MSTO1: variants seen among roughly 807,000 people sequenced by gnomAD.
The protein encoded by MSTO1 is misato mitochondrial distribution and morphology regulator 1.
Under a neutral mutation model 55.7 loss-of-function variants are expected in MSTO1, and 24 were observed. The observed-to-expected ratio is 0.43, with a 90% CI of 0.31 to 0.61. The LOEUF is 0.61. Ranked by LOEUF, MSTO1 falls within the 20% of genes least tolerant of loss-of-function variation. MSTO1 has a pLI of 0.09. For synonymous variants in MSTO1, 162 were observed against 252.8 expected (o/e 0.64, Z 3.41); for missense variants, 363 against 625.7 (o/e 0.58, Z 4.48).
At chr1:155,566,816 T>A in the MSTO1 span, among the ~76,000 whole-genome samples, 1 of 151,794 alleles carries the variant, frequency 6.6e-6, no homozygotes, top group Admixed American at 6.6e-5. Context: ...GGTTTCTCCA[T>A]GTTTGTCAGG....
At chr1:155,575,485 C>A in the MSTO1 span, among the ~76,000 whole-genome samples, 3 of 152,006 alleles carry the variant, frequency 2.0e-5, no homozygotes, top group Non-Finnish European at 2.9e-5. Context: ...TCTGTTGCCC[C>A]CGGCTGGAGT....
chr1:155,575,534 C>G, the MSTO1 span, among the ~76,000 whole-genome samples: 3 of 151,974 alleles, frequency 2.0e-5, no homozygotes, highest in South Asian at 6.2e-4. Context: ...CCTCAGCCTC[C>G]CAGACCCAGG....
At chr1:155,567,666 C>T in the MSTO1 span, among the ~76,000 whole-genome samples, 1 of 151,592 alleles carries the variant, frequency 6.6e-6, no homozygotes, top group Non-Finnish European at 1.5e-5. Flanking sequence ...GAACTCCTGG[C>T]CTTAGGTGAT....
At chr1:155,575,672 G>A in the MSTO1 span, among the ~76,000 whole-genome samples, 1 of 151,890 alleles carries the variant, frequency 6.6e-6, no homozygotes, top group African/African-American at 2.4e-5. Context: ...TCAAACTCCT[G>A]GGCATAAGCA....
the MSTO1 span, among the ~76,000 whole-genome samples, chr1:155,573,926 A>G: frequency 6.6e-6 from 1 of 152,124 alleles, no homozygotes; most frequent in Non-Finnish European, 1.5e-5. Context: ...AATGACTTGA[A>G]TGAGATCGAT....
chr1:155,573,821 A>G, the MSTO1 span, among the ~76,000 whole-genome samples: 4 of 150,744 alleles, frequency 2.7e-5, no homozygotes, highest in African/African-American at 7.3e-5. Context: ...CTGGGTGACA[A>G]AAGCAAAACT....
At chr1:155,571,968 G>C in the MSTO1 span, among the ~76,000 whole-genome samples, 1 of 152,000 alleles carries the variant, frequency 6.6e-6, no homozygotes, top group Admixed American at 6.6e-5. Flanking sequence ...TTTGAACCCA[G>C]GAGGCGGAGG....
the MSTO1 span, among the ~76,000 whole-genome samples, chr1:155,574,870 C>CTT: frequency 7.1e-4 from 89 of 126,220 alleles, 1 homozygote; most frequent in African/African-American, 1.3e-3. Flanking sequence ...AGAACTTTTT[C>CTT]TTTTTTTTTT....
At chr1:155,604,918 A>T in the MSTO1 span, among the ~76,000 whole-genome samples, 1 of 152,062 alleles carries the variant, frequency 6.6e-6, no homozygotes, top group Non-Finnish European at 1.5e-5. Context: ...AAAATTGATA[A>T]AAACTGATTT....
At chr1:155,584,837 C>A in the MSTO1 span, among the ~76,000 whole-genome samples, 29 of 151,858 alleles carry the variant, frequency 1.9e-4, no homozygotes, top group Non-Finnish European at 3.4e-4. Context: ...AACACCTGGG[C>A]TCAAGTGATC....
chr1:155,567,381 C>T, the MSTO1 span, among the ~76,000 whole-genome samples: 2 of 150,950 alleles, frequency 1.3e-5, no homozygotes, highest in African/African-American at 2.4e-5. Flanking sequence ...GCGCGATCTC[C>T]GCTCACTGCA....
the MSTO1 span, among the ~76,000 whole-genome samples, chr1:155,568,467 C>G: frequency 5.3e-5 from 8 of 152,044 alleles, no homozygotes; most frequent in South Asian, 1.7e-3. Flanking sequence ...GAGATGCGGT[C>G]TCACTCTGTT....
upstream of MSTO1, among the ~76,000 whole-genome samples, chr1:155,607,428 C>A (rs1259202448): frequency 3.3e-5 from 5 of 152,202 alleles, no homozygotes; most frequent in East Asian, 9.6e-4. Context: ...CCTGCCTCGG[C>A]CTCCCAAAGT....
the MSTO1 span, chr1:155,591,048 C>A: frequency 9.9e-6 from 16 of 1,613,686 alleles, no homozygotes; most frequent in Non-Finnish European, 1.4e-5. Context: ...CCTGTGGCAG[C>A]GCCAGCAGTG....
chr1:155,601,295 G>T, the MSTO1 span, among the ~76,000 whole-genome samples: 2 of 150,340 alleles, frequency 1.3e-5, no homozygotes, highest in African/African-American at 4.9e-5. Flanking sequence ...CACCACGCCC[G>T]GCTATTTTTT....
the MSTO1 span, among the ~76,000 whole-genome samples, chr1:155,595,470 G>A: frequency 4.1e-5 from 6 of 146,544 alleles, no homozygotes; most frequent in Non-Finnish European, 6.0e-5. Context: ...GAGCCACCGC[G>A]CCCGGCCTCA....
the MSTO1 span, among the ~76,000 whole-genome samples, chr1:155,564,850 G>T: frequency 6.6e-6 from 1 of 152,148 alleles, no homozygotes; most frequent in Non-Finnish European, 1.5e-5. Context: ...GGCTGGGTGT[G>T]GTAGCTCACG....
At chr1:155,565,492 A>C in the MSTO1 span, among the ~76,000 whole-genome samples, 1 of 152,176 alleles carries the variant, frequency 6.6e-6, no homozygotes, top group Non-Finnish European at 1.5e-5. Context: ...CCTGAGGCCC[A>C]GAGAAGTCCA....
chr1:155,590,551 G>C, the MSTO1 span: 1 of 928,588 alleles, frequency 1.1e-6, no homozygotes, highest in South Asian at 1.8e-5. Flanking sequence ...GTTGGGCACT[G>C]CCACTTCTGG....
Sources: allele counts gnomAD v4.1 joint callset (sites outside exome capture counted in the v4.1 genomes callset), GRCh38; gene constraint gnomAD v4.1.1; transcripts MANE v1.5; gene names NCBI Gene and HGNC (gene_info 2026-07-23, HGNC 2026-07-21).